Variants in PTPRD observed in about 807,000 individuals in gnomAD.
PTPRD encodes the protein receptor-type tyrosine-protein phosphatase delta.
Under a neutral mutation model 214.5 loss-of-function variants are expected in PTPRD, and 34 were observed. The observed-to-expected ratio is 0.16, with a 90% CI of 0.12 to 0.21. The LOEUF (loss-of-function observed/expected upper bound fraction) is 0.21. Ranked by LOEUF, PTPRD falls within the 10% of genes least tolerant of loss-of-function variation. The pLI, the probability that PTPRD is intolerant of heterozygous loss-of-function variation, is 1.00. For missense variants in PTPRD, 2,545 were observed against 2,398.7 expected (o/e 1.06, Z -1.27); for synonymous variants, 1,128 against 845.7 (o/e 1.33, Z -5.79).
chr9:9,147,278 T>C (rs2099870187), intron 10 of PTPRD, among the ~76,000 whole-genome samples: 1 of 150,704 alleles, frequency 6.6e-6, no homozygotes, highest in East Asian at 2.0e-4. Context: ...ACAGTGACTC[T>C]GGAACTCCCA....
At chr9:8,413,303 T>C (rs2093668847) in intron 35 of PTPRD, among the ~76,000 whole-genome samples, 1 of 152,184 alleles carries the variant, frequency 6.6e-6, no homozygotes, top group Admixed American at 6.5e-5. Flanking sequence ...AACAGATGAA[T>C]TTCTAAATTG....
At chr9:8,626,004 C>T (rs567052604) in intron 14 of PTPRD, among the ~76,000 whole-genome samples, 102 of 151,756 alleles carry the variant, frequency 6.7e-4, no homozygotes, top group African/African-American at 2.4e-3. Context: ...AAGTTACTTG[C>T]TCTTCTAAGG....
chr9:10,327,259 T>C (rs1234784086), intron 3 of PTPRD, among the ~76,000 whole-genome samples: 1 of 150,558 alleles, frequency 6.6e-6, no homozygotes, highest in Non-Finnish European at 1.5e-5. Context: ...AAACAATCAA[T>C]TTTATTTAGA....
At chr9:9,459,931 C>T (rs545318602) in intron 8 of PTPRD, among the ~76,000 whole-genome samples, 1 of 152,150 alleles carries the variant, frequency 6.6e-6, no homozygotes, top group Non-Finnish European at 1.5e-5. Context: ...ATCACATTAC[C>T]TGACTTCAAA....
intron 10 of PTPRD, among the ~76,000 whole-genome samples, chr9:9,026,600 T>C (rs1433441712): frequency 6.6e-6 from 1 of 151,950 alleles, no homozygotes; most frequent in Non-Finnish European, 1.5e-5. Context: ...ATAGTAATGT[T>C]TTTTCATCTT....
intron 2 of PTPRD, among the ~76,000 whole-genome samples, chr9:10,489,045 C>T (rs1381765256): frequency 1.3e-5 from 2 of 152,074 alleles, no homozygotes; most frequent in Non-Finnish European, 2.9e-5. Context: ...CCCATAGACA[C>T]CACAGCTGGG....
intron 2 of PTPRD, among the ~76,000 whole-genome samples, chr9:10,584,192 AAAG>A (rs945896185): frequency 6.6e-6 from 1 of 151,760 alleles, no homozygotes; most frequent in African/African-American, 2.4e-5. Flanking sequence ...CAAAAAAAAA[AAAG>A]AAAGAAAAAA....
chr9:9,906,020 G>GTACA (rs1350100262), intron 5 of PTPRD, among the ~76,000 whole-genome samples: 1 of 151,932 alleles, frequency 6.6e-6, no homozygotes, highest in Non-Finnish European at 1.5e-5. Context: ...GTAACTTGAA[G>GTACA]TACAGCTGAG....
intron 11 of PTPRD, among the ~76,000 whole-genome samples, chr9:8,922,789 G>A (rs112150909): frequency 0.049 from 7,482 of 151,856 alleles, 221 homozygotes; most frequent in Middle Eastern, 0.082. Context: ...TGGGACTACA[G>A]GCGTGTGCCA....
At chr9:9,774,381 A>G (rs780895236) in intron 5 of PTPRD, among the ~76,000 whole-genome samples, 2 of 152,228 alleles carry the variant, frequency 1.3e-5, no homozygotes, top group Non-Finnish European at 2.9e-5. Flanking sequence ...TGCACTGGTG[A>G]AAGTGCAAAA....
intron 9 of PTPRD, among the ~76,000 whole-genome samples, chr9:9,206,948 G>T (rs2099945234): frequency 6.6e-6 from 1 of 152,140 alleles, no homozygotes; most frequent in East Asian, 1.9e-4. Flanking sequence ...TATTAGTTCT[G>T]TCCCTCTAGA....
At chr9:8,851,707 T>A (rs10815975) in intron 11 of PTPRD, among the ~76,000 whole-genome samples, 34,300 of 152,150 alleles carry the variant, frequency 0.23, 4,651 homozygotes, top group South Asian at 0.35. Flanking sequence ...TAAATTTGTA[T>A]GATCAAACTG....
At chr9:9,839,343 A>C (rs1254967609) in intron 5 of PTPRD, among the ~76,000 whole-genome samples, 3 of 152,114 alleles carry the variant, frequency 2.0e-5, no homozygotes, top group Non-Finnish European at 2.9e-5. Context: ...TGATAAGCAA[A>C]TTCAGCAAAG....
chr9:9,190,058 C>T (rs945648645), intron 9 of PTPRD, among the ~76,000 whole-genome samples: 3 of 152,066 alleles, frequency 2.0e-5, no homozygotes, highest in African/African-American at 7.2e-5. Context: ...TAGCCAATGG[C>T]TATGGTTTGA....
intron 9 of PTPRD, among the ~76,000 whole-genome samples, chr9:9,240,321 T>C (rs1251598747): frequency 6.6e-6 from 1 of 152,190 alleles, no homozygotes; most frequent in Non-Finnish European, 1.5e-5. Flanking sequence ...TATTTTGACA[T>C]CTTGTTTTTA....
intron 12 of PTPRD, among the ~76,000 whole-genome samples, chr9:8,662,886 T>C (rs112150387): frequency 6.6e-5 from 10 of 152,308 alleles, no homozygotes; most frequent in African/African-American, 2.4e-4. Flanking sequence ...GGAAACCTCT[T>C]TCTACATATG....
intron 10 of PTPRD, among the ~76,000 whole-genome samples, chr9:9,085,710 C>T (rs926083868): frequency 6.6e-6 from 1 of 151,940 alleles, no homozygotes; most frequent in Non-Finnish European, 1.5e-5. Flanking sequence ...TTTGCCACCT[C>T]ATTGCCATAT....
rs549192600 is a variant in PTPRD at position 8,565,166 on chromosome 9, AG to A, written c.353-36388del. 2.5e-3 allele frequency among the ~76,000 whole-genome samples: 385 copies of A among 152,152 alleles called. 2 individuals carry two copies. The highest frequency in any genetic ancestry group is 9.0e-3 in the African/African-American group (375 of 41,538). The stretch of plus-strand genomic sequence containing the variant: ...GCTAACCGCAGTGGTTTTGAGTATA[AG>A]AAATCATGGTCACAGGAACAGGGAG... On this transcript the variant is annotated intron_variant, in intron 14 of 45. Coordinates refer to ENST00000381196, the MANE Select transcript of PTPRD (RefSeq NM_002839.4).
intron 6 of PTPRD, among the ~76,000 whole-genome samples, chr9:9,760,837 T>C (rs1048114258): frequency 1.3e-5 from 2 of 152,082 alleles, no homozygotes; most frequent in Non-Finnish European, 2.9e-5. Context: ...ATTAAAAATA[T>C]TAATTCAATG....
Sources: allele counts gnomAD v4.1 joint callset (sites outside exome capture counted in the v4.1 genomes callset), GRCh38; gene constraint gnomAD v4.1.1; transcripts MANE v1.5; gene names NCBI Gene and HGNC (gene_info 2026-07-23, HGNC 2026-07-21).